The following EDIL3 variants were observed in gnomAD, a reference collection of about 807,000 sequenced individuals.
The protein encoded by EDIL3 is EGF like and discoidin domains 3, also known as EGF-like repeat and discoidin I-like domain-containing protein 3.
EDIL3 carries 37 observed loss-of-function variants against 67.4 expected under a neutral mutation model. The observed-to-expected ratio is 0.55, with a 90% CI of 0.42 to 0.72. The LOEUF (loss-of-function observed/expected upper bound fraction) is 0.72. Ranked by LOEUF, EDIL3 falls within the 30% of genes least tolerant of loss-of-function variation. The pLI, the probability that EDIL3 is intolerant of heterozygous loss-of-function variation, is 0.00. For missense variants in EDIL3, 527 were observed against 586.3 expected (o/e 0.90, Z 1.04); for synonymous variants, 195 against 196.3 (o/e 0.99, Z 0.05).
chr5:83,950,357 G>A (rs1447804966), intron 10 of EDIL3, among the ~76,000 whole-genome samples: 1 of 151,820 alleles, frequency 6.6e-6, no homozygotes, highest in Non-Finnish European at 1.5e-5. Flanking sequence ...CTGAATTTGT[G>A]ATGAGTAATT....
intron 5 of EDIL3, among the ~76,000 whole-genome samples, chr5:84,132,555 T>A (rs1430281326): frequency 3.2e-5 from 3 of 93,838 alleles, no homozygotes; most frequent in Admixed American, 3.0e-4. Flanking sequence ...AATATATATT[T>A]TATATATTTT....
chr5:84,254,030 T>C, intron 2 of EDIL3, 54 bp downstream of exon 2: 3 of 1,528,732 alleles, frequency 2.0e-6, no homozygotes, highest in South Asian at 2.7e-5. Context: ...CAAACTGCCA[T>C]TTATTCATGG....
chr5:84,262,726 C>A (rs907740924), intron 1 of EDIL3, among the ~76,000 whole-genome samples: 1 of 114,900 alleles, frequency 8.7e-6, no homozygotes, highest in Admixed American at 1.2e-4. Flanking sequence ...AGCTAGAGTG[C>A]AGTAGTATGA....
intron 2 of EDIL3, among the ~76,000 whole-genome samples, chr5:84,244,409 G>T (rs1744863732): frequency 6.6e-6 from 1 of 151,566 alleles, no homozygotes; most frequent in Non-Finnish European, 1.5e-5. Context: ...CTCCTGAGTA[G>T]CGGGGATTAC....
At chr5:84,365,857 A>T (rs2112206277) in intron 1 of EDIL3, among the ~76,000 whole-genome samples, 1 of 152,256 alleles carries the variant, frequency 6.6e-6, no homozygotes, top group South Asian at 2.1e-4. Flanking sequence ...CAGCATTTGT[A>T]AGCACATTAC....
chr5:83,952,255 A>G (rs2112118195), intron 10 of EDIL3, among the ~76,000 whole-genome samples: 1 of 151,916 alleles, frequency 6.6e-6, no homozygotes, highest in Admixed American at 6.6e-5. Context: ...GCTGTCATTT[A>G]GAATGTAGAG....
chr5:84,171,590 C>T (rs1293042970), intron 4 of EDIL3, among the ~76,000 whole-genome samples: 1 of 152,158 alleles, frequency 6.6e-6, no homozygotes, highest in African/African-American at 2.4e-5. Context: ...TGTTATAAGA[C>T]AATTTCCATT....
chr5:84,046,085 A>G (rs191225913), intron 9 of EDIL3, among the ~76,000 whole-genome samples: 28 of 152,344 alleles, frequency 1.8e-4, no homozygotes, highest in Non-Finnish European at 3.2e-4. Context: ...AGAAAATATT[A>G]GAGTTTACAT....
chr5:84,254,259 GACATTGAAACAT>G, intron 1 of EDIL3, 47 bp from the exon 2 acceptor site: 1 of 1,572,248 alleles, frequency 6.4e-7, no homozygotes. Context: ...TTTTGTCTTG[GACATTGAAACAT>G]ACTAGTTTAC....
At chr5:84,092,652 A>G (rs147894531) in intron 6 of EDIL3, among the ~76,000 whole-genome samples, 1 of 152,296 alleles carries the variant, frequency 6.6e-6, no homozygotes, top group African/African-American at 2.4e-5. Flanking sequence ...CTTCTTTTCT[A>G]AAATAAGTTA....
chr5:83,992,703 A>G (rs956543380), intron 9 of EDIL3, among the ~76,000 whole-genome samples: 2 of 152,096 alleles, frequency 1.3e-5, no homozygotes, highest in East Asian at 1.9e-4. Context: ...ATATTTCACT[A>G]TTTCAAACTA....
chr5:84,103,438 C>G (rs1037299808), intron 6 of EDIL3, among the ~76,000 whole-genome samples: 3 of 151,944 alleles, frequency 2.0e-5, no homozygotes, highest in Admixed American at 6.6e-5. Context: ...AGACAACCTA[C>G]CGAATGGAAG....
intron 6 of EDIL3, among the ~76,000 whole-genome samples, chr5:84,087,244 A>T (rs1173401521): frequency 1.1e-4 from 17 of 152,204 alleles, no homozygotes; most frequent in Admixed American, 1.1e-3. Context: ...ATGACTAAAC[A>T]TCCTTTGTAT....
chr5:84,017,041 A>T (rs1439623381), intron 9 of EDIL3, among the ~76,000 whole-genome samples: 5 of 152,226 alleles, frequency 3.3e-5, no homozygotes, highest in Non-Finnish European at 5.9e-5. Context: ...CCTCGTGTAC[A>T]AAGTGGCAAG....
intron 1 of EDIL3, among the ~76,000 whole-genome samples, chr5:84,284,383 C>G (rs139351668): frequency 6.6e-6 from 1 of 152,056 alleles, no homozygotes; most frequent in African/African-American, 2.4e-5. Flanking sequence ...ATTTCTCCTA[C>G]GGCATGGCTA....
intron 3 of EDIL3, among the ~76,000 whole-genome samples, chr5:84,203,872 A>G (rs1017204940): frequency 1.6e-4 from 24 of 152,198 alleles, no homozygotes; most frequent in African/African-American, 5.8e-4. Context: ...GAAGGCGTAT[A>G]TCACATCTGT....
chr5:84,196,962 G>A (rs756479615), intron 3 of EDIL3: 1 of 151,962 alleles, frequency 6.6e-6, no homozygotes, highest in Non-Finnish European at 1.5e-5. Context: ...AGGAAGTAAG[G>A]AATTATGTCA....
rs139104851 is a variant in EDIL3, at chr5:84,198,803, T to C, written c.227-18282A>G. ...CATTTGGATCTGGCCAGAGCAAGAA[T>C]AGCTGTATGAGAATGGGAATTAGTA... On this transcript the variant is annotated intron_variant, in intron 3 of 10. Transcript: ENST00000296591. 1.6e-3 allele frequency among the ~76,000 whole-genome samples: 250 copies of C among 152,162 alleles called. 2 individuals are homozygous for C. Among genetic ancestry groups the C allele is most frequent in the African/African-American group, 5.7e-3 (235 of 41,554 alleles).
intron 9 of EDIL3, among the ~76,000 whole-genome samples, chr5:84,026,629 G>T (rs1291441053): frequency 6.6e-6 from 1 of 151,920 alleles, no homozygotes; most frequent in Non-Finnish European, 1.5e-5. Flanking sequence ...ACAAAATTTT[G>T]CTATCTCTGG....
Sources: allele counts gnomAD v4.1 joint callset (sites outside exome capture counted in the v4.1 genomes callset), GRCh38; gene constraint gnomAD v4.1.1; transcripts MANE v1.5; gene names NCBI Gene and HGNC (gene_info 2026-07-23, HGNC 2026-07-21).